RB1: variants seen among roughly 807,000 people sequenced by gnomAD.
RB1 encodes the protein RB transcriptional corepressor 1.
Under a neutral mutation model 135.4 loss-of-function variants are expected in RB1, and 18 were observed. The observed-to-expected ratio is 0.13, with a 90% CI of 0.09 to 0.20. The LOEUF is 0.20. Ranked by LOEUF, RB1 falls within the 10% of genes least tolerant of loss-of-function variation. The pLI, the probability that RB1 is intolerant of heterozygous loss-of-function variation, is 1.00. For missense variants in RB1, 868 were observed against 1,110.0 expected, an observed-to-expected ratio of 0.78 and a Z score of 3.10; for synonymous variants, 365 against 373.2, an observed-to-expected ratio of 0.98 and a Z score of 0.25.
chr13:48,465,185 CT>C lies in RB1; in HGVS notation c.2326-14del. The C allele has an allele frequency of 6.2e-7, 1 of 1,613,812 alleles. No individual in the cohort carries two copies. The highest frequency in any genetic ancestry group is 1.1e-5 in the South Asian group (1 of 91,078). On this transcript the variant is annotated intron_variant, in intron 22 of 26. Transcript: ENST00000267163. ...ACCAAAACATTAAATAAATAATCTA[CT>C]TTTTTGTTTTTGCTCTAGCCCCCTA...
intron 17 of RB1, chr13:48,411,644 A>T (rs1481960057): frequency 1.9e-6 from 3 of 1,611,830 alleles, no homozygotes; most frequent in South Asian, 2.2e-5. Flanking sequence ...AGCAATTAAC[A>T]AATGTTTGTG....
chr13:48,410,771 T>G (rs1398841530), intron 17 of RB1, among the ~76,000 whole-genome samples: 1 of 152,158 alleles, frequency 6.6e-6, no homozygotes, highest in Non-Finnish European at 1.5e-5. Flanking sequence ...GCATCTGCTT[T>G]CTACAAATTG....
chr13:48,320,421 G>A, intron 2 of RB1: 2 of 1,093,920 alleles, frequency 1.8e-6, no homozygotes. Flanking sequence ...GTGGGCCAAA[G>A]GCCTCCCATT....
At chr13:48,476,496 T>TG (rs2138358337) in intron 24 of RB1, 1 of 521,248 alleles carries the variant, frequency 1.9e-6, no homozygotes, top group Admixed American at 3.2e-5. Context: ...TTACAAAGAG[T>TG]GGGTGTTTAA....
intron 2 of RB1, among the ~76,000 whole-genome samples, chr13:48,331,536 C>T (rs935932535): frequency 1.3e-5 from 2 of 152,188 alleles, no homozygotes; most frequent in South Asian, 4.1e-4. Context: ...ATGCGATACC[C>T]TGCACCACCT....
intron 6 of RB1, among the ~76,000 whole-genome samples, chr13:48,350,461 A>T (rs1040446848): frequency 1.4e-4 from 21 of 152,186 alleles, no homozygotes; most frequent in Non-Finnish European, 2.6e-4. Context: ...AATTAAAAAA[A>T]TTTTTGAAAC....
intron 6 of RB1, among the ~76,000 whole-genome samples, chr13:48,350,583 A>T (rs938695326): frequency 1.3e-5 from 2 of 152,088 alleles, no homozygotes; most frequent in African/African-American, 2.4e-5. Context: ...ATCTTTTTTT[A>T]AAAAAACTTT....
intron 4 of RB1, 78 bp downstream of exon 4, chr13:48,345,277 AC>A: frequency 6.7e-7 from 1 of 1,483,802 alleles, no homozygotes; most frequent in Admixed American, 1.7e-5. Context: ...GAATTATTTA[AC>A]ACATTTAGTA....
intron 17 of RB1, among the ~76,000 whole-genome samples, chr13:48,421,111 T>C (rs926535075): frequency 5.3e-5 from 8 of 152,194 alleles, no homozygotes; most frequent in African/African-American, 1.9e-4. Context: ...GCTGGAGGCA[T>C]CATGCTACCT....
intron 10 of RB1, 68 bp downstream of exon 10, chr13:48,367,671 A>G (rs902141797): frequency 6.5e-7 from 1 of 1,541,302 alleles, no homozygotes; most frequent in Non-Finnish European, 8.8e-7. Context: ...GGTAGATTAT[A>G]TAGTCTTTAG....
At chr13:48,458,546 G>C (rs1281588872) in intron 19 of RB1, among the ~76,000 whole-genome samples, 1 of 152,118 alleles carries the variant, frequency 6.6e-6, no homozygotes, top group Non-Finnish European at 1.5e-5. Flanking sequence ...CCTGGAAATT[G>C]TAGAAATGAG....
chr13:48,401,712 T>C (rs747016453), intron 17 of RB1, among the ~76,000 whole-genome samples: 21 of 152,194 alleles, frequency 1.4e-4, no homozygotes, highest in Non-Finnish European at 2.5e-4. Context: ...TTTGGTGTCT[T>C]CCTGTAAGTG....
chr13:48,456,533 G>A (rs955142946), intron 19 of RB1, among the ~76,000 whole-genome samples, 184 bp downstream of exon 19: 1 of 152,282 alleles, frequency 6.6e-6, no homozygotes, highest in East Asian at 1.9e-4. Context: ...ATTCAGAGTC[G>A]TTTTTCTGGC....
At chr13:48,477,611 T>C (rs1474460607) in intron 26 of RB1, among the ~76,000 whole-genome samples, 1 of 152,210 alleles carries the variant, frequency 6.6e-6, no homozygotes, top group Non-Finnish European at 1.5e-5. Context: ...ACCCTTTCTA[T>C]GATCTTTCAT....
intron 17 of RB1, chr13:48,444,407 C>A (rs1334897109): frequency 6.6e-6 from 1 of 152,300 alleles, no homozygotes; most frequent in Non-Finnish European, 1.5e-5. Context: ...GTCCCAGCTA[C>A]TCCAGAGGCT....
chr13:48,341,692 G>T (rs761832741), intron 2 of RB1, among the ~76,000 whole-genome samples: 15 of 151,894 alleles, frequency 9.9e-5, no homozygotes, highest in Non-Finnish European at 1.6e-4. Context: ...TTGGATGGTG[G>T]TAAACCTTTA....
chr13:48,393,400 C>T (rs1948625369), intron 17 of RB1, among the ~76,000 whole-genome samples: 1 of 152,192 alleles, frequency 6.6e-6, no homozygotes, highest in Admixed American at 6.5e-5. Context: ...CATAAACTGT[C>T]CCCAGGCAGT....
chr13:48,472,228 G>T (rs538449868), intron 23 of RB1, among the ~76,000 whole-genome samples: 1 of 152,114 alleles, frequency 6.6e-6, no homozygotes, highest in South Asian at 2.1e-4. Flanking sequence ...GCATATGTTG[G>T]CCTTTCAGAA....
At chr13:48,344,741 T>A (rs1952477059) in intron 3 of RB1, among the ~76,000 whole-genome samples, 1 of 152,168 alleles carries the variant, frequency 6.6e-6, no homozygotes. Context: ...AACACTAAAA[T>A]GAAGCATATG....
Sources: allele counts gnomAD v4.1 joint callset (sites outside exome capture counted in the v4.1 genomes callset), GRCh38; gene constraint gnomAD v4.1.1; transcripts MANE v1.5; gene names NCBI Gene and HGNC (gene_info 2026-07-23, HGNC 2026-07-21).